The following SPOCD1 variants were observed in gnomAD, a reference collection of about 807,000 sequenced individuals.
The protein encoded by SPOCD1 is SPOC domain containing 1.
A neutral mutation model predicts 92.2 loss-of-function variants in SPOCD1; 64 were observed. The ratio of observed to expected loss-of-function variants is 0.69; its 90% confidence interval spans 0.57 to 0.86. The LOEUF (loss-of-function observed/expected upper bound fraction) is 0.86. Ranked by LOEUF, SPOCD1 falls within the 40% of genes least tolerant of loss-of-function variation. The pLI, the probability that SPOCD1 is intolerant of heterozygous loss-of-function variation, is 0.00. For missense variants in SPOCD1, 1,360 were observed against 1,543.1 expected (o/e 0.88, Z 1.99); for synonymous variants, 578 against 619.3 (o/e 0.93, Z 0.99).
At chr1:31,802,492 G>T (rs1648533124) in intron 2 of SPOCD1, among the ~76,000 whole-genome samples, 1 of 152,200 alleles carries the variant, frequency 6.6e-6, no homozygotes, top group Admixed American at 6.5e-5. Flanking sequence ...GCACTTAGCT[G>T]CGGGGCTATG....
Position 31,793,885 on chromosome 1 carries a change from G to T in SPOCD1, c.2396C>A (p.Ser799Ter). Residue 799 changes from serine to a stop codon, truncating the protein, a stop_gained, in exon 12 of 16, where the codon TCG becomes TAG. Transcript: ENST00000360482. LOFTEE classifies it high-confidence loss of function. The part of the protein sequence containing the change: ...NCHICKDWEP[S>*]NELLGSFEAA... ...TTCGAAGGAGCCTAGCAGCTCATTC[G>T]AGGGCTCCCAGTCTGCAAATAGCAG... 6.2e-7 allele frequency: 1 copy of T among 1,612,228 alleles called. No homozygotes were observed. The highest frequency in any genetic ancestry group is 8.5e-7 in the Non-Finnish European group (1 of 1,178,520).
Position 31,798,205 on chromosome 1 carries a change from AC to A in SPOCD1, c.2145+1del, listed in dbSNP as rs748647781. The A allele has an allele frequency of 2.5e-6, 4 of 1,611,938 alleles. No homozygotes were observed. Among genetic ancestry groups the A allele is most frequent in the Non-Finnish European group, 3.4e-6 (4 of 1,178,776 alleles). On this transcript the variant is annotated splice_donor_variant, in intron 9 of 15. Transcript: ENST00000360482. LOFTEE classifies it high-confidence loss of function. The surrounding 1 kb of genome is among the most constrained non-coding windows in gnomAD (Gnocchi z 4.1). ...CCCATCCCGACTGGGCTCAGCACTC[AC>A]CCTTTTCTCCTCCTGGTCCCGCCAG...
chr1:31,800,027 C>T lies in SPOCD1; in HGVS notation c.1717G>A (p.Ala573Thr). The change falls in exon 5 of 16, where the codon GCA becomes ACA. Residue 573 changes from alanine to threonine, a missense_variant. Physicochemically the swap from Ala to Thr is moderately conservative, Grantham distance 58. Coordinates refer to ENST00000360482, the MANE Select transcript of SPOCD1 (RefSeq NM_144569.7). ...GCAGAACAACTTGCCTGGGAACATG[C>T]AGGGTCCGAGCTGGGGTCGCCAAGG... ...LALGDPSSDPACSQSGPMEAE... is the reference protein window; with the variant it reads ...LALGDPSSDPTCSQSGPMEAE... 6.2e-7 allele frequency: 1 copy of T among 1,612,190 alleles called. No individual in the cohort carries two copies. Among genetic ancestry groups the T allele is most frequent in the Non-Finnish European group, 8.5e-7 (1 of 1,179,112 alleles).
intron 2 of SPOCD1, among the ~76,000 whole-genome samples, chr1:31,809,855 G>T (rs1164171224): frequency 6.6e-6 from 1 of 152,166 alleles, no homozygotes; most frequent in African/African-American, 2.4e-5. Flanking sequence ...CCTGACACTC[G>T]ACCACCCTGC....
intron 5 of SPOCD1, 26 bp from the exon 6 acceptor site, chr1:31,799,889 G>A (rs1010760144): frequency 6.2e-7 from 1 of 1,614,002 alleles, no homozygotes; most frequent in Non-Finnish European, 8.5e-7. Flanking sequence ...GAGGAATTGA[G>A]GCTGTGCTGG....
In SPOCD1 at chr1:31,814,470, C is replaced by G. The variant is rs1557834034; in HGVS notation, c.864G>C (p.Leu288Phe). Residue 288 changes from leucine (L) to phenylalanine (F), a missense_variant, in exon 2 of 16, where the codon TTG (leucine) becomes TTC (phenylalanine). Transcript: ENST00000360482. The surrounding 1 kb of genome is among the most constrained non-coding windows in gnomAD (Gnocchi z 4.2). Reference sequence around the variant, plus strand: ...GCTGGGGCCCATCCCCTGTAGCGGGCAAATATCCAAATTTCTCAGTCCCTG... The same window carrying G: ...GCTGGGGCCCATCCCCTGTAGCGGGGAAATATCCAAATTTCTCAGTCCCTG... ...CASGTEKFGY[L>F]PATGDGPQPG... is the part of the protein sequence containing the mutation. 2 of 1,576,434 alleles carry G rather than the reference C, an allele frequency of 1.3e-6. No individual in the cohort carries two copies. Among genetic ancestry groups the G allele is most frequent in the Admixed American group, 1.8e-5 (1 of 54,968 alleles).
At position 31,790,624 on chromosome 1, in the gene SPOCD1, A is replaced by G; in HGVS notation, c.3630T>C (p.Cys1210=). 2 of 1,551,786 alleles carry G rather than the reference A, an allele frequency of 1.3e-6. No individual in the cohort carries two copies. Among genetic ancestry groups the G allele is most frequent in the Non-Finnish European group, 1.7e-6 (2 of 1,147,028 alleles). The part of the protein sequence containing the change: ...LGPTDEAGSE[C]PFPRKA ...AGGGTCAGGCCTTTCTAGGGAAGGG[A>G]CACTCAGAGCCAGCTTCATCTGTAG... The change falls in exon 16 of 16, where the codon TGT becomes TGC. Residue 1210 remains cysteine (C), a synonymous_variant. Coordinates refer to ENST00000360482, the MANE Select transcript of SPOCD1 (RefSeq NM_144569.7).
chr1:31,790,957 C>G lies in SPOCD1; in HGVS notation c.3297G>C (p.Glu1099Asp), dbSNP rs761961857. The G allele has an allele frequency of 6.4e-7, 1 of 1,570,444 alleles. No individual in the cohort carries two copies. Among genetic ancestry groups the G allele is most frequent in the East Asian group, 2.2e-5 (1 of 44,552 alleles). ...GCCCAGGATGCTGCCAGTTTTCAGG[C>G]TCTGGCCAGAGCCTCCCCCTGCCTC... ...PPRGRGRLWP[E>D]PENWQHPGRG... Residue 1099 changes from glutamate (E) to aspartate (D), a missense_variant, in exon 16 of 16, where the codon GAG (glutamate) becomes GAC (aspartate). This residue lies in a region of SPOCD1 where 614 missense variants were observed against 757.8 expected (regional missense o/e 0.81). Transcript: ENST00000360482.
In SPOCD1 at chr1:31,790,721, G is replaced by A. The variant is rs1233992598; in HGVS notation, c.3533C>T (p.Pro1178Leu). 2.6e-6 allele frequency: 4 copies of A among 1,551,978 alleles called. No individual in the cohort carries two copies. The highest frequency in any genetic ancestry group is 3.5e-6 in the Non-Finnish European group (4 of 1,147,124). ...CPQTKSSIPR[P>L]LQRLSSALAA... is the part of the protein sequence containing the mutation. ...AAGGGCGCTAGACAAACGCTGCAGA[G>A]GGCGGGGGATGGAGCTCTTGGTCTG... is the stretch of plus-strand genomic sequence containing the variant. Residue 1178 changes from proline to leucine, a missense_variant, in exon 16 of 16, where the codon CCT becomes CTT. Pro to Leu is a moderately conservative substitution (Grantham distance 98). Around this residue, in one of 3 missense-constraint regions of SPOCD1, gnomAD observed 614 missense variants for 757.8 expected, o/e 0.81. Coordinates refer to ENST00000360482, the MANE Select transcript of SPOCD1 (RefSeq NM_144569.7).
In SPOCD1 at chr1:31,792,165, G is replaced by T. The variant is rs16834717; in HGVS notation, c.2962+50C>A. 7,536 of 1,550,334 alleles carry T rather than the reference G, an allele frequency of 4.9e-3. 305 individuals carry two copies. In the African/African-American group the frequency reaches 0.091, roughly 19 times the overall value. On this transcript the variant is annotated intron_variant, in intron 15 of 15. Transcript: ENST00000360482. Reference sequence around the variant, plus strand: ...TGACTGTGTCAACCGTGCCTGGTCTGGTCACCAAGTGAGCAGAGGCAGGGT... The same window carrying T: ...TGACTGTGTCAACCGTGCCTGGTCTTGTCACCAAGTGAGCAGAGGCAGGGT...
chr1:31,791,426 A>G (rs1647586888), intron 15 of SPOCD1, 135 bp from the exon 16 acceptor site: 2 of 670,796 alleles, frequency 3.0e-6, no homozygotes, highest in Non-Finnish European at 4.6e-6. Flanking sequence ...GTCTCGGAAG[A>G]TTTGAGCTCT....
At chr1:31,800,813 A>G (rs977416316) in intron 3 of SPOCD1, among the ~76,000 whole-genome samples, 196 bp from the exon 4 acceptor site, 2 of 152,138 alleles carry the variant, frequency 1.3e-5, no homozygotes, top group African/African-American at 2.4e-5. Context: ...GTGTTCAGTG[A>G]AAGTTTGCTA....
intron 2 of SPOCD1, among the ~76,000 whole-genome samples, chr1:31,803,634 A>G (rs1381349922): frequency 6.6e-6 from 1 of 151,736 alleles, no homozygotes; most frequent in African/African-American, 2.4e-5. Context: ...CCAACTACTC[A>G]GGAGGCTGAG....
Position 31,814,174 on chromosome 1 carries a change from C to A in SPOCD1, c.1160G>T (p.Cys387Phe). 1.3e-6 allele frequency: 2 copies of A among 1,577,464 alleles called. No homozygotes were observed. The highest frequency in any genetic ancestry group is 2.3e-5 in the East Asian group (1 of 44,194). ...EQGLAAPADT[C>F]ASSREPLGGL... ...GCCCAAGGGCTCCCGGGAGCTGGCACAGGTGTCAGCGGGGGCAGCGAGTCC... is the reference window on the plus strand; with the variant it reads ...GCCCAAGGGCTCCCGGGAGCTGGCAAAGGTGTCAGCGGGGGCAGCGAGTCC... The change falls in exon 2 of 16, where the codon TGT becomes TTT. Residue 387 changes from cysteine to phenylalanine, a missense_variant. Around this residue, in one of 3 missense-constraint regions of SPOCD1, gnomAD observed 606 missense variants for 601.5 expected, o/e 1.01. Coordinates refer to ENST00000360482, the MANE Select transcript of SPOCD1 (RefSeq NM_144569.7). This position sits in a 1 kb window ranked among gnomAD's most constrained non-coding sequence, Gnocchi z 4.2.
At chr1:31,812,349 G>A (rs556931952) in intron 2 of SPOCD1, among the ~76,000 whole-genome samples, 6 of 152,272 alleles carry the variant, frequency 3.9e-5, no homozygotes, top group African/African-American at 4.8e-5. Context: ...CCCTCATCCC[G>A]ACAGCGCCTG....
rs1166056896 is a variant in SPOCD1 at position 31,815,980 on chromosome 1, C to T, written c.-59G>A. ...TCTCACCTGGGCTTCCCTGAGTTTT[C>T]CCTCCTGGGGTTCCACCCACTAGCT... On this transcript the variant is annotated 5_prime_UTR_variant, in exon 1 of 16. Coordinates refer to ENST00000360482, the MANE Select transcript of SPOCD1 (RefSeq NM_144569.7). The T allele has an allele frequency of 5.2e-5, 8 of 152,394 alleles. No individual in the cohort carries two copies. Among genetic ancestry groups the T allele is most frequent in the Non-Finnish European group, 4.4e-5 (3 of 68,174 alleles). 9.4% of individuals were successfully genotyped at this position (152,394 alleles called of 1,614,324 possible).
Position 31,793,741 on chromosome 1 carries a change from C to T in SPOCD1, c.2534+6G>A, listed in dbSNP as rs1166189122. On this transcript the variant is annotated splice_donor_region_variant and intron_variant, in intron 12 of 15. Coordinates refer to ENST00000360482, the MANE Select transcript of SPOCD1 (RefSeq NM_144569.7). The stretch of plus-strand genomic sequence containing the variant: ...GTTATCCACCTCCCTGCTCCCAACC[C>T]CACACCTGTCCTGTGGTTCCGTGGG... 13 of 1,614,080 alleles carry T rather than the reference C, an allele frequency of 8.1e-6. No homozygotes were observed. The highest frequency in any genetic ancestry group is 1.0e-5 in the Non-Finnish European group (12 of 1,180,044).
At chr1:31,812,673 G>C (rs528231812) in intron 2 of SPOCD1, among the ~76,000 whole-genome samples, 9 of 152,286 alleles carry the variant, frequency 5.9e-5, no homozygotes, top group African/African-American at 2.2e-4. Flanking sequence ...TACCTCATAG[G>C]CTTGTTACAA....
chr1:31,815,450 C>T, intron 1 of SPOCD1, 78 bp from the exon 2 acceptor site: 1 of 1,076,050 alleles, frequency 9.3e-7, no homozygotes, highest in Non-Finnish European at 1.3e-6. Flanking sequence ...CTGGGAGGAG[C>T]CCCTCTTCCA....
Sources: gnomAD v4.1 joint callset for allele counts (sites outside exome capture counted in the v4.1 genomes callset) on GRCh38, gnomAD v4.1.1 for gene constraint, gnomAD v4.1.1 regional missense constraint, Gnocchi (gnomAD v3.1) non-coding constraint, MANE v1.5 for transcripts, NCBI Gene and HGNC (gene_info 2026-07-23, HGNC 2026-07-21) for gene names.